Variants in UBE2F observed in about 807,000 individuals in gnomAD.
UBE2F encodes the protein NEDD8-conjugating enzyme UBE2F.
UBE2F carries 5 observed loss-of-function variants against 29.6 expected under a neutral mutation model. The ratio of observed to expected loss-of-function variants is 0.17; its 90% CI spans 0.09 to 0.36. UBE2F has a LOEUF of 0.36. Ranked by LOEUF, UBE2F falls within the 10% of genes least tolerant of loss-of-function variation. The pLI, the probability that UBE2F is intolerant of heterozygous loss-of-function variation, is 1.00. For missense variants in UBE2F, 141 were observed against 228.5 expected (o/e 0.62, Z 2.47); for synonymous variants, 66 against 81.8 (o/e 0.81, Z 1.04).
At chr2:238,033,262 G>A (rs956067167) in intron 8 of UBE2F, among the ~76,000 whole-genome samples, 10 of 152,254 alleles carry the variant, frequency 6.6e-5, no homozygotes, top group African/African-American at 1.4e-4. Context: ...CCTAGGGCAG[G>A]AAGAGGCTAA....
At chr2:238,015,322 G>A (rs1397767494) in intron 4 of UBE2F, among the ~76,000 whole-genome samples, 1 of 152,132 alleles carries the variant, frequency 6.6e-6, no homozygotes, top group African/African-American at 2.4e-5. Context: ...AGAGATTTTT[G>A]TATTGGTAAT....
chr2:238,011,164 T>C (rs1478894162), intron 4 of UBE2F, among the ~76,000 whole-genome samples: 1 of 152,252 alleles, frequency 6.6e-6, no homozygotes, highest in Admixed American at 6.5e-5. Flanking sequence ...CATCTCACTC[T>C]GAATCAGAGC....
chr2:237,989,075 G>C (rs375366839), intron 3 of UBE2F, among the ~76,000 whole-genome samples: 3 of 150,646 alleles, frequency 2.0e-5, no homozygotes, highest in African/African-American at 7.5e-5. Context: ...GATCATTTTA[G>C]TATTTTTTGA....
intron 8 of UBE2F, among the ~76,000 whole-genome samples, chr2:238,033,351 C>T (rs2064629863): frequency 6.6e-6 from 1 of 152,164 alleles, no homozygotes; most frequent in Admixed American, 6.5e-5. Context: ...CTTTTCGATT[C>T]ATAAAGGCGC....
chr2:237,981,614 CTTTTTTTTTTTTTT>C (rs139270010), intron 2 of UBE2F, among the ~76,000 whole-genome samples: 1 of 62,370 alleles, frequency 1.6e-5, no homozygotes, highest in African/African-American at 6.4e-5. Flanking sequence ...AATTTGAATT[CTTTTTTTTTTTTTT>C]TTTTTTTTTT....
At chr2:237,994,208 T>C (rs940347536) in intron 3 of UBE2F, among the ~76,000 whole-genome samples, 2 of 151,418 alleles carry the variant, frequency 1.3e-5, no homozygotes, top group African/African-American at 4.9e-5. Context: ...TCTCCTGGGT[T>C]CAAGTGATTC....
chr2:237,985,143 G>C (rs1012678700), intron 2 of UBE2F, among the ~76,000 whole-genome samples: 1 of 152,128 alleles, frequency 6.6e-6, no homozygotes, highest in Non-Finnish European at 1.5e-5. Context: ...CCAATATGCT[G>C]CTTTGATAAA....
intron 4 of UBE2F, among the ~76,000 whole-genome samples, chr2:238,016,181 T>C (rs922626423): frequency 6.6e-5 from 10 of 152,190 alleles, no homozygotes; most frequent in African/African-American, 2.4e-4. Flanking sequence ...TGACATTCTC[T>C]TGGGGAGACC....
rs1219801747 is a variant in UBE2F at position 238,030,593 on chromosome 2, G to T, written c.391G>T (p.Ala131Ser). The T allele has an allele frequency of 1.2e-6, 2 of 1,613,540 alleles. No homozygotes were observed. Among genetic ancestry groups the T allele is most frequent in the Admixed American group, 3.3e-5 (2 of 59,972 alleles). The change falls in exon 7 of 10, where the codon GCT (alanine) becomes TCT (serine). Residue 131 changes from alanine (A) to serine (S), a missense_variant. Coordinates refer to ENST00000272930, the MANE Select transcript of UBE2F (RefSeq NM_080678.3). ...REHSIDGTGW[A>S]PTRTLKDVVW... ...ACATTCAATTGATGGCACTGGCTGG[G>T]CTCCCACAAGAACATTAAAGGTAGA...
At chr2:237,993,211 C>G (rs369652812) in intron 3 of UBE2F, among the ~76,000 whole-genome samples, 78 of 152,250 alleles carry the variant, frequency 5.1e-4, no homozygotes, top group African/African-American at 1.8e-3. Context: ...TGGTCTCAAA[C>G]TACTGACCTC....
At chr2:237,971,302 T>C (rs1178832886) in intron 1 of UBE2F, among the ~76,000 whole-genome samples, 1 of 152,178 alleles carries the variant, frequency 6.6e-6, no homozygotes, top group Non-Finnish European at 1.5e-5. Context: ...TATGGAAATA[T>C]TGAACTGGTG....
intron 6 of UBE2F, among the ~76,000 whole-genome samples, chr2:238,027,208 T>C (rs555583631): frequency 6.6e-6 from 1 of 152,356 alleles, no homozygotes; most frequent in African/African-American, 2.4e-5. Flanking sequence ...GATTTGACCA[T>C]GTAAAAATTA....
chr2:237,982,477 G>A lies in UBE2F; in HGVS notation c.119-5486G>A, dbSNP rs141331854. On this transcript the variant is annotated intron_variant, in intron 2 of 9. Coordinates refer to ENST00000272930, the MANE Select transcript of UBE2F (RefSeq NM_080678.3). This position sits in a 1 kb window ranked among gnomAD's most constrained non-coding sequence, Gnocchi z 4.1. ...GCCCCTCTGCTTGCAATCCACAGTC[G>A]CTTACCATGCCGTCTGGACACATTT... 1.0e-3 allele frequency among the ~76,000 whole-genome samples: 155 copies of A among 152,184 alleles called. No homozygotes were observed. Among genetic ancestry groups the A allele is most frequent in the Middle Eastern group, 3.4e-3 (1 of 294 alleles).
intron 4 of UBE2F, among the ~76,000 whole-genome samples, chr2:238,004,024 T>C (rs1026482843): frequency 2.0e-5 from 3 of 152,264 alleles, no homozygotes; most frequent in African/African-American, 7.2e-5. Context: ...ACATTTTGTA[T>C]GTGGCTTCTC....
chr2:238,005,393 C>T (rs2063879675), intron 4 of UBE2F, among the ~76,000 whole-genome samples: 1 of 152,048 alleles, frequency 6.6e-6, no homozygotes, highest in African/African-American at 2.4e-5. Context: ...GACAGGGTTT[C>T]ACCATGTTGC....
At chr2:237,985,653 T>A (rs925500118) in intron 2 of UBE2F, among the ~76,000 whole-genome samples, 4 of 152,258 alleles carry the variant, frequency 2.6e-5, no homozygotes. Context: ...AATAGTCCAA[T>A]GAGTATGGAA....
chr2:238,025,129 G>A, intron 5 of UBE2F: 1 of 555,316 alleles, frequency 1.8e-6, no homozygotes, highest in Non-Finnish European at 3.3e-6. Context: ...CTTTGCTGCT[G>A]AGACTAGCCC....
chr2:238,029,590 C>T (rs1370873355), intron 6 of UBE2F, among the ~76,000 whole-genome samples: 5 of 66,754 alleles, frequency 7.5e-5, no homozygotes, highest in Non-Finnish European at 1.6e-4. Flanking sequence ...AGAGAGACTC[C>T]GTCTCAAAAA....
At chr2:238,002,641 TCACTCCATCACCCAGG>T (rs2063820559) in intron 4 of UBE2F, among the ~76,000 whole-genome samples, 2 of 152,138 alleles carry the variant, frequency 1.3e-5, no homozygotes, top group Non-Finnish European at 2.9e-5. Context: ...AGACGGAATC[TCACTCCATCACCCAGG>T]CTGGAGTGCA....
Sources: gnomAD v4.1 joint callset for allele counts (sites outside exome capture counted in the v4.1 genomes callset) on GRCh38, gnomAD v4.1.1 for gene constraint, Gnocchi (gnomAD v3.1) non-coding constraint, MANE v1.5 for transcripts, NCBI Gene and HGNC (gene_info 2026-07-23, HGNC 2026-07-21) for gene names.